The following RGMA variants were observed in gnomAD, a reference collection of about 807,000 sequenced individuals.
RGMA encodes the protein repulsive guidance molecule A.
A neutral mutation model predicts 23.2 loss-of-function variants in RGMA; 10 were observed. The observed-to-expected ratio is 0.43, with a 90% confidence interval of 0.27 to 0.73. The LOEUF is 0.73. Among genes scored for constraint, RGMA ranks in the 30% least tolerant of loss-of-function variants. The pLI, the probability that RGMA is intolerant of heterozygous loss-of-function variation, is 0.20. For synonymous variants in RGMA, 308 were observed against 279.3 expected (o/e 1.10, Z -1.03); for missense variants, 547 against 630.5 (o/e 0.87, Z 1.42).
chr15:93,062,360 G>A (rs1235215519), intron 2 of RGMA, among the ~76,000 whole-genome samples: 2 of 152,194 alleles, frequency 1.3e-5, no homozygotes, highest in East Asian at 1.9e-4. Context: ...CAGCAACAAA[G>A]GTTTAAGAAT....
rs1369966309 is a variant in RGMA, at chr15:93,045,373, G to A, written c.978C>T (p.Asp326=). The A allele has an allele frequency of 4.3e-6, 7 of 1,612,928 alleles. No individual in the cohort carries two copies. Among genetic ancestry groups the A allele is most frequent in the Non-Finnish European group, 5.9e-6 (7 of 1,179,838 alleles). The part of the protein sequence containing the change: ...LRGCPLNQQI[D]FQAFHTNAEG... The stretch of plus-strand genomic sequence containing the variant: ...CAGCATTGGTGTGGAAGGCCTGGAA[G>A]TCGATCTGCTGGTTGAGGGGGCAGC... The change falls in exon 4 of 4, where the codon GAC becomes GAT. Residue 326 remains aspartate, a synonymous_variant. Coordinates refer to ENST00000329082, the MANE Select transcript of RGMA (RefSeq NM_020211.3). The surrounding 1 kb of genome is among the most constrained non-coding windows in gnomAD (Gnocchi z 6.9).
intron 2 of RGMA, 40 bp from the exon 3 acceptor site, chr15:93,052,547 T>C: frequency 6.6e-7 from 1 of 1,512,610 alleles, no homozygotes; most frequent in East Asian, 2.3e-5. Context: ...GGGTGCAGCC[T>C]GGCAACCCCA....
At chr15:93,064,655 G>A (rs1895081496) in intron 2 of RGMA, among the ~76,000 whole-genome samples, 1 of 152,240 alleles carries the variant, frequency 6.6e-6, no homozygotes, top group Non-Finnish European at 1.5e-5. Context: ...AGGTGCGGAG[G>A]CATCACTGTA....
chr15:93,060,065 TTA>T (rs200321520), intron 2 of RGMA, among the ~76,000 whole-genome samples: 1 of 152,122 alleles, frequency 6.6e-6, no homozygotes, highest in Non-Finnish European at 1.5e-5. Context: ...GTCCAGAAAG[TTA>T]TACCTTCTAG....
intron 2 of RGMA, chr15:93,066,147 C>T (rs2141832125): frequency 7.4e-7 from 1 of 1,359,228 alleles, no homozygotes; most frequent in Non-Finnish European, 1.0e-6. Flanking sequence ...CCTCCCCGGG[C>T]CCAGTTACAT....
At chr15:93,049,125 G>A (rs1346288778) in intron 3 of RGMA, among the ~76,000 whole-genome samples, 1 of 152,210 alleles carries the variant, frequency 6.6e-6, no homozygotes, top group Non-Finnish European at 1.5e-5. Flanking sequence ...CCACGGGCGG[G>A]CTGCCGCTCC....
chr15:93,080,727 T>C (rs1454467925), intron 1 of RGMA, among the ~76,000 whole-genome samples: 2 of 152,120 alleles, frequency 1.3e-5, no homozygotes, highest in Admixed American at 6.5e-5. Flanking sequence ...CACCCTTCCG[T>C]GGTATTTGGA....
chr15:93,061,330 C>G (rs1894956249), intron 2 of RGMA, among the ~76,000 whole-genome samples: 1 of 152,148 alleles, frequency 6.6e-6, no homozygotes, highest in Non-Finnish European at 1.5e-5. Flanking sequence ...ATTTTTATTT[C>G]AGTAGAGATG....
At chr15:93,053,711 C>T (rs1209792044) in intron 2 of RGMA, among the ~76,000 whole-genome samples, 1 of 152,208 alleles carries the variant, frequency 6.6e-6, no homozygotes, top group Non-Finnish European at 1.5e-5. Flanking sequence ...GGTGATCTCT[C>T]CCGCCTCTGC....
intron 2 of RGMA, among the ~76,000 whole-genome samples, chr15:93,054,096 G>C (rs2054972777): frequency 6.6e-6 from 1 of 151,892 alleles, no homozygotes; most frequent in African/African-American, 2.4e-5. Context: ...TGGGCATGGT[G>C]GTGCGCACCT....
intron 2 of RGMA, among the ~76,000 whole-genome samples, chr15:93,063,895 T>G (rs1339118047): frequency 6.6e-6 from 1 of 152,182 alleles, no homozygotes; most frequent in Non-Finnish European, 1.5e-5. Context: ...CACGTGAGCA[T>G]GGGCAAAAGT....
At chr15:93,063,489 T>A (rs1895038380) in intron 2 of RGMA, among the ~76,000 whole-genome samples, 1 of 152,234 alleles carries the variant, frequency 6.6e-6, no homozygotes, top group South Asian at 2.1e-4. Flanking sequence ...TGAGTTGAGA[T>A]GCCTGAGGCT....
Position 93,039,683 on chromosome 15 carries a change from A to T in RGMA, c.*5315T>A, listed in dbSNP as rs1000412532. 2.0e-5 allele frequency: 3 copies of T among 152,104 alleles called. No homozygotes were observed. Among genetic ancestry groups the T allele is most frequent in the Non-Finnish European group, 2.9e-5 (2 of 68,058 alleles). 9.4% of individuals were successfully genotyped at this position (152,104 alleles called of 1,614,324 possible). ...TTCTTGTGTTAGTTTGCTGAGAATG[A>T]TGGTTTCCAGCTTCATCCATGTCCC... is the stretch of plus-strand genomic sequence containing the variant. On this transcript the variant is annotated 3_prime_UTR_variant, in exon 4 of 4. Transcript: ENST00000329082.
chr15:93,053,614 T>C (rs2054964307), intron 2 of RGMA, among the ~76,000 whole-genome samples: 1 of 152,194 alleles, frequency 6.6e-6, no homozygotes, highest in Admixed American at 6.5e-5. Context: ...ACAGACACAT[T>C]TGAGGGCAGG....
chr15:93,048,856 G>C (rs187959823), intron 3 of RGMA, among the ~76,000 whole-genome samples: 1 of 129,164 alleles, frequency 7.7e-6, no homozygotes, highest in African/African-American at 2.9e-5. Flanking sequence ...GAGGATGGGG[G>C]ACTCTGGTGT....
At chr15:93,076,854 A>T (rs1447565002) in intron 1 of RGMA, among the ~76,000 whole-genome samples, 1 of 152,206 alleles carries the variant, frequency 6.6e-6, no homozygotes, top group Admixed American at 6.5e-5. Context: ...GTGGTGAGCA[A>T]GTCCGCACCG....
intron 2 of RGMA, among the ~76,000 whole-genome samples, chr15:93,071,603 G>A (rs1469162081): frequency 6.6e-6 from 1 of 152,226 alleles, no homozygotes; most frequent in African/African-American, 2.4e-5. Context: ...GCCAGGAGCA[G>A]GGCTGGGACT....
At chr15:93,066,852 T>C (rs1207350890) in intron 2 of RGMA, among the ~76,000 whole-genome samples, 1 of 152,216 alleles carries the variant, frequency 6.6e-6, no homozygotes, top group African/African-American at 2.4e-5. Flanking sequence ...CCAAAATCTG[T>C]GCATGGGCTC....
intron 1 of RGMA, chr15:93,073,819 TGCCCCGGCTGC>T: frequency 2.6e-6 from 4 of 1,523,454 alleles, no homozygotes; most frequent in Non-Finnish European, 3.5e-6. Context: ...CCTGAAGACT[TGCCCCGGCTGC>T]GCCCCCGTGC....
Sources: allele counts gnomAD v4.1 joint callset (sites outside exome capture counted in the v4.1 genomes callset), GRCh38; gene constraint gnomAD v4.1.1; non-coding constraint Gnocchi (gnomAD v3.1); transcripts MANE v1.5; gene names NCBI Gene and HGNC (gene_info 2026-07-23, HGNC 2026-07-21).